Variants in STXBP5 observed in about 807,000 individuals in gnomAD.
The protein encoded by STXBP5 is syntaxin binding protein 5.
Under a neutral mutation model 152.4 loss-of-function variants are expected in STXBP5, and 50 were observed. That is an observed-to-expected ratio of 0.33 (90% CI 0.26 to 0.42). The LOEUF (loss-of-function observed/expected upper bound fraction) is 0.42, where lower values mean the gene tolerates loss of function less well. Among genes scored for constraint, STXBP5 ranks in the 10% least tolerant of loss-of-function variants. The pLI, the probability that STXBP5 is intolerant of heterozygous loss-of-function variation, is 1.00. For missense variants in STXBP5, 1,167 were observed against 1,388.6 expected (o/e 0.84, Z 2.54); for synonymous variants, 492 against 494.7 (o/e 0.99, Z 0.07).
intron 4 of STXBP5, among the ~76,000 whole-genome samples, chr6:147,256,298 C>A (rs1254453768): frequency 6.6e-6 from 1 of 152,162 alleles, no homozygotes; most frequent in Non-Finnish European, 1.5e-5. Context: ...TCACTTCTGC[C>A]TACACATTTC....
chr6:147,240,779 T>C (rs1213859598), intron 4 of STXBP5, among the ~76,000 whole-genome samples: 2 of 152,144 alleles, frequency 1.3e-5, no homozygotes, highest in Non-Finnish European at 2.9e-5. Context: ...TGACATTTCA[T>C]GGAATTAGTG....
intron 9 of STXBP5, among the ~76,000 whole-genome samples, chr6:147,307,633 C>T (rs970908336): frequency 6.6e-6 from 1 of 151,966 alleles, no homozygotes; most frequent in Admixed American, 6.6e-5. Flanking sequence ...TGAAGGCTCA[C>T]GGGTTGGATG....
At chr6:147,249,496 G>C (rs1428324276) in intron 4 of STXBP5, among the ~76,000 whole-genome samples, 1 of 152,162 alleles carries the variant, frequency 6.6e-6, no homozygotes, top group African/African-American at 2.4e-5. Context: ...TGGGAGAACA[G>C]AATGCTTAGC....
intron 17 of STXBP5, among the ~76,000 whole-genome samples, chr6:147,325,843 C>T (rs1366868221): frequency 6.6e-6 from 1 of 151,806 alleles, no homozygotes; most frequent in Non-Finnish European, 1.5e-5. Flanking sequence ...TCTGTATCCA[C>T]GGATTCAACC....
At chr6:147,252,821 C>G (rs1350940228) in intron 4 of STXBP5, among the ~76,000 whole-genome samples, 2 of 152,102 alleles carry the variant, frequency 1.3e-5, no homozygotes, top group East Asian at 3.9e-4. Context: ...TAATTAATAG[C>G]CTACCAACCA....
At chr6:147,343,901 C>T (rs1000361504) in intron 21 of STXBP5, among the ~76,000 whole-genome samples, 9 of 152,058 alleles carry the variant, frequency 5.9e-5, no homozygotes, top group Admixed American at 5.9e-4. Flanking sequence ...CACAAGATGG[C>T]TATTGAAAGG....
At chr6:147,302,051 G>A (rs190477578) in intron 9 of STXBP5, among the ~76,000 whole-genome samples, 330 of 152,130 alleles carry the variant, frequency 2.2e-3, no homozygotes, top group African/African-American at 7.3e-3. Flanking sequence ...CCCAAGATTG[G>A]ACTTATCCAT....
rs1327800551 is a variant in STXBP5, at chr6:147,387,700, A to G, written c.*2945A>G. ...AACTTCTCCATTTGATTTTTTATGG[A>G]TGTGAAAAATGCTGCTACTTGTCTA... On this transcript the variant is annotated 3_prime_UTR_variant, in exon 28 of 28. Transcript: ENST00000321680. 1 of 151,724 alleles carries G rather than the reference A, an allele frequency of 6.6e-6. No homozygotes were observed. The highest frequency in any genetic ancestry group is 6.6e-5 in the Admixed American group (1 of 15,208). The allele number at this position is 151,724 out of a possible 1,614,324, so 9.4% of individuals were successfully genotyped here.
chr6:147,206,275 A>T (rs1776552836), intron 2 of STXBP5, among the ~76,000 whole-genome samples: 1 of 152,206 alleles, frequency 6.6e-6, no homozygotes, highest in Non-Finnish European at 1.5e-5. Flanking sequence ...TATAGTAGCT[A>T]AACATATATC....
chr6:147,257,515 T>TAA (rs1463047282), intron 4 of STXBP5, among the ~76,000 whole-genome samples: 1 of 152,020 alleles, frequency 6.6e-6, no homozygotes, highest in Non-Finnish European at 1.5e-5. Context: ...TTGATATTAG[T>TAA]AAAAGATGTA....
intron 22 of STXBP5, among the ~76,000 whole-genome samples, chr6:147,358,458 G>A (rs980267158): frequency 6.6e-6 from 1 of 152,116 alleles, no homozygotes; most frequent in African/African-American, 2.4e-5. Flanking sequence ...GAGGAGTGTG[G>A]AGTTGTTTGT....
chr6:147,257,186 C>T (rs1779409676), intron 4 of STXBP5, among the ~76,000 whole-genome samples: 1 of 150,470 alleles, frequency 6.6e-6, no homozygotes, highest in African/African-American at 2.4e-5. Context: ...TACAAGAATC[C>T]CCTCAGTGTG....
intron 2 of STXBP5, among the ~76,000 whole-genome samples, chr6:147,228,942 C>T (rs1179293834): frequency 6.6e-6 from 1 of 152,056 alleles, no homozygotes; most frequent in Non-Finnish European, 1.5e-5. Context: ...CCATACTATT[C>T]TTTACATGAT....
intron 2 of STXBP5, among the ~76,000 whole-genome samples, chr6:147,213,292 G>C (rs531234974): frequency 4.6e-5 from 7 of 150,622 alleles, no homozygotes; most frequent in Non-Finnish European, 7.4e-5. Flanking sequence ...TTGAGATAGG[G>C]TTTCTTTCTG....
In STXBP5 at chr6:147,384,861, A is replaced by G; in HGVS notation, c.*106A>G. 8.6e-7 allele frequency: 1 copy of G among 1,163,096 alleles called. No homozygotes were observed. Among genetic ancestry groups the G allele is most frequent in the Non-Finnish European group, 1.3e-6 (1 of 788,890 alleles). 72.0% of individuals were successfully genotyped at this position (1,163,096 alleles called of 1,614,324 possible). Reference sequence around the variant, plus strand: ...GTTAAAGGGATGTTCGTCACTGAATACTGTTCTTTCCTAGCACAGTCATGC... The same window carrying G: ...GTTAAAGGGATGTTCGTCACTGAATGCTGTTCTTTCCTAGCACAGTCATGC... On this transcript the variant is annotated 3_prime_UTR_variant, in exon 28 of 28. Transcript: ENST00000321680.
intron 17 of STXBP5, among the ~76,000 whole-genome samples, chr6:147,326,427 G>A (rs1172960508): frequency 2.0e-5 from 3 of 152,018 alleles, no homozygotes; most frequent in East Asian, 1.9e-4. Flanking sequence ...TTATGTGGCC[G>A]TGTCCGTGTT....
chr6:147,284,336 A>G (rs1387082442), intron 8 of STXBP5, among the ~76,000 whole-genome samples: 1 of 152,172 alleles, frequency 6.6e-6, no homozygotes, highest in Non-Finnish European at 1.5e-5. Context: ...TTAGAAAGCA[A>G]CTGTTTTTGT....
intron 2 of STXBP5, among the ~76,000 whole-genome samples, chr6:147,217,136 T>A (rs1777210308): frequency 6.6e-6 from 1 of 152,348 alleles, no homozygotes; most frequent in South Asian, 2.1e-4. Flanking sequence ...TGACTATAAA[T>A]CTGGCCGCAT....
chr6:147,284,390 A>G (rs552534897), intron 8 of STXBP5, among the ~76,000 whole-genome samples: 2 of 152,342 alleles, frequency 1.3e-5, no homozygotes, highest in South Asian at 4.1e-4. Flanking sequence ...TTCATTGAAT[A>G]AACATTGAGC....
Sources: allele counts gnomAD v4.1 joint callset (sites outside exome capture counted in the v4.1 genomes callset), GRCh38; gene constraint gnomAD v4.1.1; transcripts MANE v1.5; gene names NCBI Gene and HGNC (gene_info 2026-07-23, HGNC 2026-07-21).